Variants in XPOT observed in about 807,000 individuals in gnomAD.
XPOT encodes the protein exportin-T.
A neutral mutation model predicts 128.2 loss-of-function variants in XPOT; 34 were observed. The ratio of observed to expected loss-of-function variants is 0.27; its 90% confidence interval spans 0.20 to 0.35. The LOEUF is 0.35. Among genes scored for constraint, XPOT ranks in the 10% least tolerant of loss-of-function variants. The probability of loss-of-function intolerance (pLI) is 1.00; values close to 1 mark genes in which losing one functional copy is unlikely to be tolerated. For missense variants in XPOT, 838 were observed against 1,125.3 expected (o/e 0.74, Z 3.65); for synonymous variants, 348 against 394.3 (o/e 0.88, Z 1.39).
chr12:64,429,149 CA>C (rs2040216590), intron 16 of XPOT, among the ~76,000 whole-genome samples: 2 of 152,186 alleles, frequency 1.3e-5, no homozygotes, highest in Non-Finnish European at 2.9e-5. Flanking sequence ...AGTGTTTACA[CA>C]CACAGTTAAT....
intron 2 of XPOT, among the ~76,000 whole-genome samples, chr12:64,412,284 C>G (rs1410005981): frequency 6.6e-6 from 1 of 152,088 alleles, no homozygotes; most frequent in Non-Finnish European, 1.5e-5. Flanking sequence ...CTCAGCCTCC[C>G]AAAGTGCTGG....
chr12:64,421,131 A>T, intron 8 of XPOT, 104 bp from the exon 9 acceptor site: 1 of 877,840 alleles, frequency 1.1e-6, no homozygotes, highest in South Asian at 1.6e-5. Flanking sequence ...ACGTCATTTT[A>T]AAATTGAATC....
chr12:64,421,345 T>C lies in XPOT; in HGVS notation c.954T>C (p.Ala318=). ...TTAAGAATGGGGATATTAAGAATGCTCAAGAGGCACTACAAGCTATTGAAA... is the reference window on the plus strand; with the variant it reads ...TTAAGAATGGGGATATTAAGAATGCCCAAGAGGCACTACAAGCTATTGAAA... The part of the protein sequence containing the change: ...KLIKNGDIKN[A]QEALQAIETK... Residue 318 remains alanine, a synonymous_variant, in exon 9 of 25, where the codon GCT becomes GCC. Coordinates refer to ENST00000332707, the MANE Select transcript of XPOT (RefSeq NM_007235.6). The C allele has an allele frequency of 1.2e-6, 2 of 1,613,952 alleles. No individual in the cohort carries two copies. Among genetic ancestry groups the C allele is most frequent in the Non-Finnish European group, 8.5e-7 (1 of 1,179,888 alleles).
At chr12:64,410,899 A>C (rs1322027544) in intron 2 of XPOT, among the ~76,000 whole-genome samples, 2 of 152,162 alleles carry the variant, frequency 1.3e-5, no homozygotes, top group Non-Finnish European at 2.9e-5. Flanking sequence ...GGAAAGAGGC[A>C]TTTTCTTTTT....
intron 22 of XPOT, among the ~76,000 whole-genome samples, chr12:64,436,580 A>G (rs2040283869): frequency 6.6e-6 from 1 of 151,898 alleles, no homozygotes; most frequent in East Asian, 1.9e-4. Context: ...TTTTTAATAT[A>G]TATTTTACTT....
chr12:64,407,127 C>T (rs2039991015), intron 1 of XPOT, among the ~76,000 whole-genome samples: 1 of 152,088 alleles, frequency 6.6e-6, no homozygotes, highest in Non-Finnish European at 1.5e-5. Flanking sequence ...CTTTGAAATC[C>T]AAAACCTATG....
intron 24 of XPOT, among the ~76,000 whole-genome samples, chr12:64,446,096 G>A (rs1486782313): frequency 2.0e-5 from 3 of 151,994 alleles, no homozygotes; most frequent in Admixed American, 6.6e-5. Flanking sequence ...CCTCCCCTTC[G>A]CCATCCTCCC....
chr12:64,408,874 G>A (rs1245344293), intron 1 of XPOT, among the ~76,000 whole-genome samples: 4 of 151,994 alleles, frequency 2.6e-5, no homozygotes, highest in Admixed American at 2.6e-4. Flanking sequence ...GGGTTTCACC[G>A]TATTGGTCAG....
chr12:64,409,914 A>G, intron 1 of XPOT, 48 bp from the exon 2 acceptor site: 1 of 758,034 alleles, frequency 1.3e-6, no homozygotes, highest in East Asian at 2.5e-5. Context: ...ATAAGCATCT[A>G]TTTGTTTATC....
In XPOT at chr12:64,431,775, T is replaced by C; in HGVS notation, c.2214T>C (p.Asp738=). The C allele has an allele frequency of 1.2e-6, 2 of 1,614,026 alleles. No individual in the cohort carries two copies. Among genetic ancestry groups the C allele is most frequent in the Non-Finnish European group, 8.5e-7 (1 of 1,179,984 alleles). The change falls in exon 18 of 25, where the codon GAT becomes GAC. Residue 738 remains aspartate (D), a synonymous_variant. Transcript: ENST00000332707. ...TGCTCAAAGATTGTGAAGCAAAAGA[T>C]CTCCAGGAGTTCATTCCTCTTATCA... ...EHMLKDCEAK[D]LQEFIPLINQ...
At chr12:64,447,757 C>T (rs1254528998) in intron 24 of XPOT, among the ~76,000 whole-genome samples, 5 of 152,154 alleles carry the variant, frequency 3.3e-5, no homozygotes, top group African/African-American at 7.2e-5. Flanking sequence ...GCGCCGTGCC[C>T]GTCCTCAATA....
intron 5 of XPOT, 34 bp from the exon 6 acceptor site, chr12:64,418,842 A>G (rs2040111682): frequency 3.1e-6 from 5 of 1,594,006 alleles, no homozygotes; most frequent in Non-Finnish European, 4.3e-6. Flanking sequence ...TTCAATTTAC[A>G]TTTAATTTTA....
chr12:64,445,303 T>G (rs1565805701), intron 24 of XPOT, among the ~76,000 whole-genome samples, 172 bp downstream of exon 24: 3 of 152,182 alleles, frequency 2.0e-5, no homozygotes, highest in African/African-American at 7.2e-5. Flanking sequence ...TTGAGTATAT[T>G]GGTGAGAAAA....
rs538086771 is a variant in XPOT, at chr12:64,419,966, G to A, written c.490-104G>A. The A allele has an allele frequency of 1.7e-5, 16 of 955,592 alleles. No homozygotes were observed. In the South Asian group the frequency reaches 2.3e-4, roughly 14 times the overall value. 59.2% of individuals were successfully genotyped at this position (955,592 alleles called of 1,614,324 possible). ...CTGGTAAATAGGAAATACTGGTAGG[G>A]AATGTGTTAACAAGTCTGAAAGTTT... On this transcript the variant is annotated intron_variant, in intron 6 of 24. Transcript: ENST00000332707.
chr12:64,418,362 G>A (rs1592328089), intron 5 of XPOT, among the ~76,000 whole-genome samples: 1 of 152,166 alleles, frequency 6.6e-6, no homozygotes, highest in African/African-American at 2.4e-5. Context: ...TTAAAATGTA[G>A]TTGTTTTTAA....
intron 1 of XPOT, among the ~76,000 whole-genome samples, chr12:64,408,486 A>G (rs1592522458): frequency 2.6e-5 from 4 of 152,290 alleles, no homozygotes; most frequent in African/African-American, 4.8e-5. Flanking sequence ...CATTTTTCAC[A>G]TCATTTAGAG....
At chr12:64,412,943 G>GCCCTCTCTAGGAACACCA (rs969445826) in intron 2 of XPOT, among the ~76,000 whole-genome samples, 2 of 152,142 alleles carry the variant, frequency 1.3e-5, no homozygotes, top group Admixed American at 6.5e-5. Flanking sequence ...GAGCTCTTGT[G>GCCCTCTCTAGGAACACCA]CCCTCTCTAG....
intron 16 of XPOT, among the ~76,000 whole-genome samples, chr12:64,428,883 C>G (rs1318090913): frequency 6.6e-6 from 1 of 152,130 alleles, no homozygotes; most frequent in African/African-American, 2.4e-5. Flanking sequence ...AAAACAGGAG[C>G]AGACAAACTG....
Position 64,433,483 on chromosome 12 carries a change from C to T in XPOT, c.2332C>T (p.Arg778Trp), listed in dbSNP as rs759786877. 25 of 1,609,948 alleles carry T rather than the reference C, an allele frequency of 1.6e-5. No homozygotes were observed. The highest frequency in any genetic ancestry group is 1.5e-4 in the African/African-American group (11 of 74,784). The change falls in exon 19 of 25, where the codon CGG becomes TGG. Residue 778 changes from arginine to tryptophan, a missense_variant. Arg to Trp is a moderately radical substitution (Grantham distance 101). Transcript: ENST00000332707. ...TCATGCAATTTTTGAAGTGCTGCTC[C>T]GGCCAGCAGAAGAAAATGACCAGTC... ...LLHAIFEVLLRPAEENDQSAA... is the reference protein window; with the variant it reads ...LLHAIFEVLLWPAEENDQSAA...
Sources: gnomAD v4.1 joint callset for allele counts (sites outside exome capture counted in the v4.1 genomes callset) on GRCh38, gnomAD v4.1.1 for gene constraint, MANE v1.5 for transcripts, NCBI Gene and HGNC (gene_info 2026-07-23, HGNC 2026-07-21) for gene names.